SYT14: variants seen among roughly 807,000 people sequenced by gnomAD.
The protein encoded by SYT14 is synaptotagmin-14.
Under a neutral mutation model 74.2 loss-of-function variants are expected in SYT14, and 32 were observed. The observed-to-expected ratio is 0.43, with a 90% confidence interval of 0.33 to 0.58. SYT14 has a LOEUF of 0.58. Among genes scored for constraint, SYT14 ranks in the 20% least tolerant of loss-of-function variants. SYT14 has a pLI of 0.05. For synonymous variants in SYT14, 298 were observed against 337.7 expected, an observed-to-expected ratio of 0.88 and a Z score of 1.29; for missense variants, 791 against 981.8, an observed-to-expected ratio of 0.81 and a Z score of 2.60.
chr1:210,140,515 C>A (rs766941258), intron 7 of SYT14, among the ~76,000 whole-genome samples: 1 of 151,938 alleles, frequency 6.6e-6, no homozygotes, highest in African/African-American at 2.4e-5. Flanking sequence ...TTGAGAAATT[C>A]AGTTTATTGA....
At chr1:210,150,760 TATC>T (rs1344489664) in intron 7 of SYT14, among the ~76,000 whole-genome samples, 4 of 152,222 alleles carry the variant, frequency 2.6e-5, no homozygotes, top group African/African-American at 4.8e-5. Context: ...TTATAGTAAT[TATC>T]ATTGTACAGT....
At chr1:210,092,899 G>T (rs945891293) in intron 5 of SYT14, among the ~76,000 whole-genome samples, 5 of 152,158 alleles carry the variant, frequency 3.3e-5, no homozygotes, top group Admixed American at 2.6e-4. Context: ...CATTGTGTTA[G>T]ACATTGTAAG....
At chr1:209,965,976 T>G (rs866919599) in intron 2 of SYT14, 1 of 454,356 alleles carries the variant, frequency 2.2e-6, no homozygotes, top group South Asian at 1.6e-5. Flanking sequence ...GTTCAAACGA[T>G]TCTTCTGCCT....
At chr1:209,942,360 A>ATCCCCC (rs2078747291) in intron 1 of SYT14, among the ~76,000 whole-genome samples, 1 of 74,596 alleles carries the variant, frequency 1.3e-5, no homozygotes, top group Admixed American at 1.1e-4. Context: ...ATGCAAATTT[A>ATCCCCC]CCCCCCCCCC....
intron 8 of SYT14, chr1:210,156,850 AC>A (rs960106548): frequency 2.0e-5 from 8 of 396,732 alleles, no homozygotes; most frequent in African/African-American, 1.6e-4. Context: ...CCACCACCAC[AC>A]CTAGCTATTA....
At chr1:210,000,090 T>G in intron 2 of SYT14, among the ~76,000 whole-genome samples, 1 of 152,228 alleles carries the variant, frequency 6.6e-6, no homozygotes, top group East Asian at 1.9e-4. Context: ...TTTACAGATA[T>G]TTGCAAATGT....
chr1:209,964,204 C>T (rs766146778), intron 2 of SYT14, among the ~76,000 whole-genome samples: 1 of 152,066 alleles, frequency 6.6e-6, no homozygotes, highest in Non-Finnish European at 1.5e-5. Flanking sequence ...TATAAGAGTT[C>T]GGCAGTTCCT....
chr1:210,153,569 C>A (rs1227443427), intron 7 of SYT14, among the ~76,000 whole-genome samples: 1 of 151,676 alleles, frequency 6.6e-6, no homozygotes, highest in African/African-American at 2.4e-5. Flanking sequence ...ATTTTATTTT[C>A]TGTTTGCTTC....
intron 5 of SYT14, among the ~76,000 whole-genome samples, chr1:210,057,056 G>T (rs1471763992): frequency 6.6e-6 from 1 of 151,958 alleles, no homozygotes. Flanking sequence ...TGTTGGCCAG[G>T]TTGGTCTGGA....
At chr1:210,169,456 C>T (rs1409884992) in exon 10 of SYT14, 1 of 151,494 alleles carries the variant, frequency 6.6e-6, no homozygotes, top group Non-Finnish European at 1.5e-5. Context: ...TGAAGCAGAG[C>T]TAGAAATTAA....
At chr1:210,164,203 A>T (rs1008412125) in exon 10 of SYT14, 2 of 342,732 alleles carry the variant, frequency 5.8e-6, no homozygotes, top group East Asian at 1.5e-4. Context: ...TTTGAAATCC[A>T]TTTGCATATT....
At position 210,155,802 on chromosome 1, in the gene SYT14, G is replaced by C. The variant is rs779026680; in HGVS notation, c.2116G>C (p.Val706Leu). Residue 706 changes from valine (V) to leucine (L), a missense_variant, in exon 8 of 10, where the codon GTT becomes CTT. By Grantham distance (32) the Val-to-Leu change is conservative. Coordinates refer to ENST00000637265, the Ensembl canonical transcript of SYT14. Reference sequence around the variant, plus strand: ...ATGTCAGTCTCTTGAACATGGCTCAGTTCCAGAAATTCTTATTGGCCTGCT... The same window carrying C: ...ATGTCAGTCTCTTGAACATGGCTCACTTCCAGAAATTCTTATTGGCCTGCT... The C allele has an allele frequency of 3.7e-6, 6 of 1,614,108 alleles. No homozygotes were observed. In the South Asian group the frequency reaches 5.5e-5, roughly 15 times the overall value.
At chr1:209,952,152 T>A (rs2205987) in intron 1 of SYT14, among the ~76,000 whole-genome samples, 98,573 of 152,008 alleles carry the variant, frequency 0.65, 32,779 homozygotes, top group East Asian at 0.85. Context: ...AGAGATTTTT[T>A]AAAAAAGAAA....
At chr1:210,098,496 C>G (rs1421764389) in intron 6 of SYT14, among the ~76,000 whole-genome samples, 18 of 152,050 alleles carry the variant, frequency 1.2e-4, no homozygotes, top group Admixed American at 1.2e-3. Context: ...CTGAGCTGAC[C>G]CACACTTCCT....
intron 7 of SYT14, among the ~76,000 whole-genome samples, chr1:210,105,880 T>A (rs1433179483): frequency 1.3e-5 from 2 of 152,224 alleles, no homozygotes; most frequent in Non-Finnish European, 2.9e-5. Context: ...TCTCTTCATG[T>A]GACATGCCTG....
intron 5 of SYT14, among the ~76,000 whole-genome samples, chr1:210,065,783 T>G (rs904535122): frequency 6.6e-6 from 1 of 152,000 alleles, no homozygotes; most frequent in Non-Finnish European, 1.5e-5. Context: ...CGTGCAGGTT[T>G]GTTACATATG....
At chr1:209,971,723 C>G (rs2079260106) in intron 2 of SYT14, among the ~76,000 whole-genome samples, 1 of 152,134 alleles carries the variant, frequency 6.6e-6, no homozygotes, top group Admixed American at 6.5e-5. Flanking sequence ...CCTTGCATCC[C>G]AGGAATGAAG....
intron 2 of SYT14, among the ~76,000 whole-genome samples, chr1:209,991,009 G>T (rs1398591575): frequency 6.6e-6 from 1 of 152,092 alleles, no homozygotes; most frequent in Non-Finnish European, 1.5e-5. Flanking sequence ...CTTTGATAAA[G>T]TCAACAAAAT....
chr1:210,075,566 C>A (rs557712549), intron 5 of SYT14, among the ~76,000 whole-genome samples: 200 of 149,530 alleles, frequency 1.3e-3, no homozygotes, highest in African/African-American at 4.7e-3. Context: ...AACTCCTGAC[C>A]TCGTGATCCG....
Sources: gnomAD v4.1 joint callset for allele counts (sites outside exome capture counted in the v4.1 genomes callset) on GRCh38, gnomAD v4.1.1 for gene constraint, MANE v1.5 for transcripts, NCBI Gene and HGNC (gene_info 2026-07-23, HGNC 2026-07-21) for gene names.